The following ZNRF1 variants were observed in gnomAD, a reference collection of about 807,000 sequenced individuals.
The protein encoded by ZNRF1 is zinc and ring finger 1.
ZNRF1 carries 3 observed loss-of-function variants against 18.4 expected under a neutral mutation model. That is an observed-to-expected ratio of 0.16 (90% CI 0.07 to 0.42). ZNRF1 has a LOEUF of 0.42. ZNRF1 is among the 10% of genes least tolerant of loss of function. ZNRF1 has a pLI of 0.99. For missense variants in ZNRF1, 310 were observed against 329.8 expected, an observed-to-expected ratio of 0.94 and a Z score of 0.47; for synonymous variants, 157 against 144.2, an observed-to-expected ratio of 1.09 and a Z score of -0.64.
chr16:75,067,475 T>C (rs199591568), intron 1 of ZNRF1, among the ~76,000 whole-genome samples: 4 of 152,236 alleles, frequency 2.6e-5, no homozygotes, highest in Admixed American at 2.0e-4. Context: ...AGAATTCTAA[T>C]TGGATTTTTT....
chr16:75,005,474 T>C (rs1482504652), intron 1 of ZNRF1, among the ~76,000 whole-genome samples: 1 of 152,172 alleles, frequency 6.6e-6, no homozygotes, highest in African/African-American at 2.4e-5. Flanking sequence ...TGAAGCAAGC[T>C]CTAGTTCCTT....
chr16:75,055,968 C>G (rs1219907268), intron 1 of ZNRF1, among the ~76,000 whole-genome samples: 1 of 152,178 alleles, frequency 6.6e-6, no homozygotes, highest in African/African-American at 2.4e-5. Context: ...TCCAAGCTAT[C>G]CCTCAGCTGC....
At chr16:75,091,837 C>T (rs2036143696) in intron 1 of ZNRF1, among the ~76,000 whole-genome samples, 1 of 152,036 alleles carries the variant, frequency 6.6e-6, no homozygotes, top group Non-Finnish European at 1.5e-5. Context: ...ACACCCAGCC[C>T]TGTGGATAAC....
At chr16:75,052,310 A>G (rs1384845943) in intron 1 of ZNRF1, among the ~76,000 whole-genome samples, 1 of 152,044 alleles carries the variant, frequency 6.6e-6, no homozygotes, top group Non-Finnish European at 1.5e-5. Flanking sequence ...CTGAGGTGGG[A>G]AAATTGCTTG....
intron 1 of ZNRF1, among the ~76,000 whole-genome samples, chr16:75,010,711 GTT>G (rs67210395): frequency 2.7e-5 from 2 of 74,322 alleles, no homozygotes; most frequent in African/African-American, 3.9e-5. Context: ...GTTTTTTTTT[GTT>G]TTTTTGTTTT....
chr16:75,060,843 A>C (rs900938996), intron 1 of ZNRF1, among the ~76,000 whole-genome samples: 1 of 152,034 alleles, frequency 6.6e-6, no homozygotes, highest in South Asian at 2.1e-4. Context: ...GGTCATCTCT[A>C]TTTCTCCCCT....
At chr16:75,027,648 T>G (rs2035243926) in intron 1 of ZNRF1, among the ~76,000 whole-genome samples, 1 of 152,192 alleles carries the variant, frequency 6.6e-6, no homozygotes, top group Non-Finnish European at 1.5e-5. Context: ...GACTGCCTCA[T>G]GTACTACACT....
chr16:75,032,402 C>T (rs1471294007), intron 1 of ZNRF1, among the ~76,000 whole-genome samples: 2 of 152,102 alleles, frequency 1.3e-5, no homozygotes, highest in African/African-American at 4.8e-5. Context: ...AGCCACTGCA[C>T]CCGGCCTTTT....
chr16:75,107,202 C>A (rs1055333706), intron 4 of ZNRF1: 2 of 174,916 alleles, frequency 1.1e-5, no homozygotes, highest in African/African-American at 4.8e-5. Context: ...CCCCATTTCT[C>A]CCCCAGGGGT....
At chr16:75,081,683 G>A (rs974019113) in intron 1 of ZNRF1, among the ~76,000 whole-genome samples, 10 of 152,190 alleles carry the variant, frequency 6.6e-5, no homozygotes, top group Admixed American at 5.2e-4. Flanking sequence ...CAAGGAGAGC[G>A]TGATGTTCAG....
chr16:75,000,284 G>C, intron 1 of ZNRF1, 189 bp downstream of exon 1: 1 of 904,790 alleles, frequency 1.1e-6, no homozygotes, highest in South Asian at 1.4e-5. Context: ...AGGCTGCGGA[G>C]CCTGGCGATT....
At chr16:75,069,783 G>A (rs2035848194) in intron 1 of ZNRF1, among the ~76,000 whole-genome samples, 1 of 152,118 alleles carries the variant, frequency 6.6e-6, no homozygotes, top group African/African-American at 2.4e-5. Flanking sequence ...CTGGGCCTCG[G>A]CCCCTCACAC....
At chr16:75,085,791 T>TGAGAGAGAGA (rs71378737) in intron 1 of ZNRF1, among the ~76,000 whole-genome samples, 5,605 of 138,998 alleles carry the variant, frequency 0.04, 139 homozygotes, top group African/African-American at 0.054. Flanking sequence ...TCCGACAGAG[T>TGAGAGAGAGA]GAGAGAGAGA....
At position 75,000,065 on chromosome 16, in the gene ZNRF1, A is replaced by C; in HGVS notation, c.394A>C (p.Ile132Leu). 1.2e-6 allele frequency: 2 copies of C among 1,602,728 alleles called. No individual in the cohort carries two copies. ...GCTGGCGGATGCTCTACCTCTGCAC[A>C]TCGCACCCAGGTGGTTCAGCTCGCA... is the stretch of plus-strand genomic sequence containing the variant. ...ASLADALPLH[I>L]APRWFSSHSG... is the part of the protein sequence containing the mutation. Residue 132 changes from isoleucine (I) to leucine (L), a missense_variant, in exon 1 of 5, where the codon ATC becomes CTC. This residue lies in a region of ZNRF1 where 293 missense variants were observed against 291.2 expected (regional missense o/e 1.01). Coordinates refer to ENST00000335325, the MANE Select transcript of ZNRF1 (RefSeq NM_032268.5).
chr16:75,110,031 T>G lies in ZNRF1; in HGVS notation c.*2331T>G, dbSNP rs916168536. 2 of 152,444 alleles carry G rather than the reference T, an allele frequency of 1.3e-5. No individual in the cohort carries two copies. The highest frequency in any genetic ancestry group is 2.9e-5 in the Non-Finnish European group (2 of 68,202). The allele number at this position is 152,444 out of a possible 1,614,324, so 9.4% of individuals were successfully genotyped here. A position where few individuals can be genotyped will look rare whatever the true frequency, so the allele number is the denominator to read the frequency against. The stretch of plus-strand genomic sequence containing the variant: ...GCCTTGGCGGCTTAAGCCTGCTGCT[T>G]TGGCAGTGCCATGGGTGAGCCGAGC... On this transcript the variant is annotated 3_prime_UTR_variant, in exon 5 of 5. Transcript: ENST00000335325.
At chr16:75,065,648 T>A (rs945366954) in intron 1 of ZNRF1, among the ~76,000 whole-genome samples, 1 of 152,218 alleles carries the variant, frequency 6.6e-6, no homozygotes, top group African/African-American at 2.4e-5. Context: ...TTGTAAAGCA[T>A]GGGTGTGTAC....
chr16:75,031,643 A>G (rs537596884), intron 1 of ZNRF1, among the ~76,000 whole-genome samples: 2 of 152,170 alleles, frequency 1.3e-5, no homozygotes, highest in Admixed American at 1.3e-4. Flanking sequence ...AGTAACTGGG[A>G]CTACAGGCGC....
intron 1 of ZNRF1, among the ~76,000 whole-genome samples, chr16:75,087,836 G>A (rs2036091924): frequency 6.6e-6 from 1 of 152,250 alleles, no homozygotes; most frequent in African/African-American, 2.4e-5. Context: ...TTCACTGACA[G>A]TTGCAAACTT....
chr16:75,092,776 G>A (rs945140491), intron 1 of ZNRF1, among the ~76,000 whole-genome samples: 1 of 152,228 alleles, frequency 6.6e-6, no homozygotes, highest in Non-Finnish European at 1.5e-5. Context: ...GGCTGTGGGT[G>A]AGGGAGAGAG....
Sources: allele counts gnomAD v4.1 joint callset (sites outside exome capture counted in the v4.1 genomes callset), GRCh38; gene constraint gnomAD v4.1.1; regional missense constraint gnomAD v4.1.1; transcripts MANE v1.5; gene names NCBI Gene and HGNC (gene_info 2026-07-23, HGNC 2026-07-21).